Variants in MUC5B observed in about 807,000 individuals in gnomAD.
The protein encoded by MUC5B is mucin-5B.
In MUC5B, 116 loss-of-function variants were observed where a neutral mutation model predicts 376.9. The ratio of observed to expected loss-of-function variants is 0.31; its 90% confidence interval spans 0.26 to 0.36. The LOEUF (loss-of-function observed/expected upper bound fraction) is 0.36, where lower values mean the gene tolerates loss of function less well. Ranked by LOEUF, MUC5B falls within the 10% of genes least tolerant of loss-of-function variation. The pLI is 1.00. For missense variants in MUC5B, 7,165 were observed against 7,769.9 expected, an observed-to-expected ratio of 0.92 and a Z score of 2.93; for synonymous variants, 3,517 against 3,390.9, an observed-to-expected ratio of 1.04 and a Z score of -1.29.
rs775741477 is a variant in MUC5B at position 1,237,052 on chromosome 11, C to T, written c.3185C>T (p.Pro1062Leu). 27 of 1,581,672 alleles carry T rather than the reference C, an allele frequency of 1.7e-5. No individual in the cohort carries two copies. Among genetic ancestry groups the T allele is most frequent in the South Asian group, 3.5e-5 (3 of 86,486 alleles). ...AGCTGGAAGCTCTCCCCCTCCTGCC[C>T]GGACGCCCTGGCACCCAAGGACCCC... Reference protein sequence around the residue: ...GNSWKLSPSCPDALAPKDPCT... With the variant: ...GNSWKLSPSCLDALAPKDPCT... The change falls in exon 25 of 49, where the codon CCG (proline) becomes CTG (leucine). Residue 1062 changes from proline to leucine, a missense_variant. By Grantham distance (98) the Pro-to-Leu change is moderately conservative. Around this residue, in one of 31 missense-constraint regions of MUC5B, gnomAD observed 143 missense variants for 193.2 expected, o/e 0.74. Coordinates refer to ENST00000529681, the MANE Select transcript of MUC5B (RefSeq NM_002458.3).
At position 1,251,243 on chromosome 11, in the gene MUC5B, A is replaced by G; in HGVS notation, c.14363A>G (p.His4788Arg). The G allele has an allele frequency of 1.9e-6, 3 of 1,608,888 alleles. No homozygotes were observed. The African/African-American group carries it at 4.1e-5, about 22-fold the overall frequency. ...IHTSSTPETT[H>R]TSTVLTTTAT... ...ACCTCCTCTACTCCAGAGACCACCC[A>G]CACCTCCACAGTGCTGACCACCACA... The change falls in exon 31 of 49, where the codon CAC becomes CGC. Residue 4788 changes from histidine (H) to arginine (R), a missense_variant. This residue lies in a region of MUC5B where 730 missense variants were observed against 592.7 expected (regional missense o/e 1.23). Coordinates refer to ENST00000529681, the MANE Select transcript of MUC5B (RefSeq NM_002458.3).
At position 1,234,468 on chromosome 11, in the gene MUC5B, G is replaced by A; in HGVS notation, c.2479-61G>A. 11 of 1,543,808 alleles carry A rather than the reference G, an allele frequency of 7.1e-6. No individual in the cohort carries two copies. Among genetic ancestry groups the A allele is most frequent in the Non-Finnish European group, 8.7e-6 (10 of 1,143,032 alleles). ...CTGCTGGGTGCGCCTGTCCCAGAGG[G>A]TGAGTGACATCTGCCCACCCTGGTG... is the stretch of plus-strand genomic sequence containing the variant. On this transcript the variant is annotated intron_variant, in intron 20 of 48. Coordinates refer to ENST00000529681, the MANE Select transcript of MUC5B (RefSeq NM_002458.3). This position sits in a 1 kb window ranked among gnomAD's most constrained non-coding sequence, Gnocchi z 6.3.
Position 1,225,833 on chromosome 11 carries a change from C to A in MUC5B, c.127+96C>A, listed in dbSNP as rs575478945. The A allele has an allele frequency of 1.3e-4, 163 of 1,217,940 alleles. 1 individual carries two copies. The South Asian group carries it at 2.0e-3, about 15-fold the overall frequency. The allele number at this position is 1,217,940 out of a possible 1,614,324, so 75.4% of individuals were successfully genotyped here. ...GCAGACGCCTCTCCAAGCAGCCATG[C>A]GTCTGACAGAGACCCTCCCTGGGTC... On this transcript the variant is annotated intron_variant, in intron 2 of 48. Transcript: ENST00000529681.
At chr11:1,231,398 G>A in intron 13 of MUC5B, 25 bp from the exon 14 acceptor site, 4 of 1,594,592 alleles carry the variant, frequency 2.5e-6, no homozygotes, top group South Asian at 1.1e-5. Context: ...ACCCCTGACC[G>A]GCCTCTCCCC....
chr11:1,261,443 G>T lies in MUC5B; in HGVS notation c.17124G>T (p.Arg5708Ser). ...MQHQCTCCQERRVHEETVPLH... is the reference protein window; with the variant it reads ...MQHQCTCCQESRVHEETVPLH... Reference sequence around the variant, plus strand: ...ACCAGTGCACCTGCTGCCAGGAGAGGCGGGTCCACGAGGAGACGGTGCCCT... The same window carrying T: ...ACCAGTGCACCTGCTGCCAGGAGAGTCGGGTCCACGAGGAGACGGTGCCCT... Residue 5708 changes from arginine (R) to serine (S), a missense_variant, in exon 49 of 49, where the codon AGG (arginine) becomes AGT (serine). Around this residue, in one of 31 missense-constraint regions of MUC5B, gnomAD observed 842 missense variants for 1,016.9 expected, o/e 0.83. Transcript: ENST00000529681. 1.3e-6 allele frequency: 2 copies of T among 1,547,038 alleles called. No individual in the cohort carries two copies. The highest frequency in any genetic ancestry group is 8.7e-7 in the Non-Finnish European group (1 of 1,147,204).
intron 2 of MUC5B, 35 bp downstream of exon 2, chr11:1,225,772 A>G (rs1337133456): frequency 6.3e-7 from 1 of 1,582,804 alleles, no homozygotes; most frequent in Admixed American, 1.8e-5. Context: ...GGGGTTCCTG[A>G]CCAGGCTGGA....
In MUC5B at chr11:1,247,185, C is replaced by T. The variant is rs370339559; in HGVS notation, c.10305C>T (p.Pro3435=). 3.8e-6 allele frequency: 6 copies of T among 1,562,600 alleles called. No individual in the cohort carries two copies. The highest frequency in any genetic ancestry group is 1.8e-5 in the Admixed American group (1 of 56,392). ...CAGCCACCAGCAGCACAGTGACTCCCTCCTCTGCCCTAGGGACCACCCACA... is the reference window on the plus strand; with the variant it reads ...CAGCCACCAGCAGCACAGTGACTCCTTCCTCTGCCCTAGGGACCACCCACA... ...TPAATSSTVT[P]SSALGTTHTP... is the part of the protein sequence containing the mutation. The change falls in exon 31 of 49, where the codon CCC becomes CCT. Residue 3435 remains proline (P), a synonymous_variant. Transcript: ENST00000529681.
Position 1,259,018 on chromosome 11 carries a change from T to C in MUC5B, c.16670T>C (p.Val5557Ala). 6.4e-7 allele frequency: 1 copy of C among 1,559,378 alleles called. No homozygotes were observed. Among genetic ancestry groups the C allele is most frequent in the Non-Finnish European group, 8.7e-7 (1 of 1,152,642 alleles). Residue 5557 changes from valine (V) to alanine (A), a missense_variant, in exon 44 of 49, where the codon GTG (valine) becomes GCG (alanine). By Grantham distance (64) the Val-to-Ala change is moderately conservative. Transcript: ENST00000529681. ...TCTGGGGACACCCAGGACCCAACGG[T>C]GCAATGTCAGGAGGATGCCTGCAAC... ...CLSGDTQDPT[V>A]QCQEDACNNT...
Position 1,252,329 on chromosome 11 carries a change from G to A in MUC5B, c.14864-14G>A, listed in dbSNP as rs1449755309. ...TGGGAGTGGCTTATCTTTCTATGGTGTTGTTCTTCACAGGGGAAGTCATCT... is the reference window on the plus strand; with the variant it reads ...TGGGAGTGGCTTATCTTTCTATGGTATTGTTCTTCACAGGGGAAGTCATCT... On this transcript the variant is annotated splice_polypyrimidine_tract_variant and intron_variant, in intron 31 of 48. Transcript: ENST00000529681. 6.5e-7 allele frequency: 1 copy of A among 1,534,876 alleles called. No homozygotes were observed. The highest frequency in any genetic ancestry group is 2.0e-5 in the Admixed American group (1 of 49,086).
chr11:1,229,953 G>T, intron 10 of MUC5B, 52 bp from the exon 11 acceptor site: 1 of 1,559,966 alleles, frequency 6.4e-7, no homozygotes, highest in East Asian at 2.3e-5. Context: ...TGTGGAGGGT[G>T]GGGCCCACCT....
chr11:1,228,167 C>T (rs568125900), intron 7 of MUC5B, among the ~76,000 whole-genome samples: 2 of 152,172 alleles, frequency 1.3e-5, no homozygotes, highest in African/African-American at 2.4e-5. Flanking sequence ...ACAGCATGAG[C>T]CCCCCTGTGA....
At chr11:1,223,318 C>G in intron 1 of MUC5B, 125 bp downstream of exon 1, 1 of 693,062 alleles carries the variant, frequency 1.4e-6, no homozygotes, top group Non-Finnish European at 2.6e-6. Context: ...CCCTGAGTGT[C>G]CTGGATGGGA....
Position 1,244,774 on chromosome 11 carries a change from G to A in MUC5B, c.7894G>A (p.Val2632Met), listed in dbSNP as rs1862404495. 1 of 1,612,400 alleles carries A rather than the reference G, an allele frequency of 6.2e-7. No homozygotes were observed. Among genetic ancestry groups the A allele is most frequent in the East Asian group, 2.2e-5 (1 of 44,872 alleles). The change falls in exon 31 of 49, where the codon GTG becomes ATG. Residue 2632 changes from valine (V) to methionine (M), a missense_variant. Val to Met is a conservative substitution (Grantham distance 21). Around this residue, in one of 31 missense-constraint regions of MUC5B, gnomAD observed 141 missense variants for 111.2 expected, o/e 1.27. Coordinates refer to ENST00000529681, the MANE Select transcript of MUC5B (RefSeq NM_002458.3). ...SSPGTARTLP[V>M]WISTTTTPTT... is the part of the protein sequence containing the mutation. ...CCCAGGGACGGCACGCACGCTTCCA[G>A]TGTGGATCAGCACAACCACCACACC...
intron 11 of MUC5B, 129 bp from the exon 12 acceptor site, chr11:1,230,361 T>G: frequency 2.8e-6 from 3 of 1,090,266 alleles, no homozygotes; most frequent in Non-Finnish European, 3.9e-6. Flanking sequence ...TGCTGGGAGG[T>G]GACCAGAGGT....
rs766088943 is a variant in MUC5B at position 1,232,700 on chromosome 11, G to T, written c.1995G>T (p.Ala665=). ...GGAGCGAGGACTGCCTGTGCGCCGC[G>T]CTGTCCTCCTATGTGCACGCCTGTG... ...CERSEDCLCA[A]LSSYVHACAA... The change falls in exon 17 of 49, where the codon GCG becomes GCT. Residue 665 remains alanine, a synonymous_variant. Transcript: ENST00000529681. 3 of 1,599,804 alleles carry T rather than the reference G, an allele frequency of 1.9e-6. No individual in the cohort carries two copies. Among genetic ancestry groups the T allele is most frequent in the Non-Finnish European group, 2.6e-6 (3 of 1,174,204 alleles).
rs1862177043 is a variant in MUC5B, at chr11:1,237,105, T to C, written c.3238T>C (p.Trp1080Arg). ...PCTANPFRKS[W>R]AQKQCSILHG... ...CACGGCCAACCCCTTCCGCAAGTCC[T>C]GGGCCCAGAAGCAGTGCAGCATCCT... Residue 1080 changes from tryptophan to arginine, a missense_variant, in exon 25 of 49, where the codon TGG (tryptophan) becomes CGG (arginine). By Grantham distance (101) the Trp-to-Arg change is moderately radical (BLOSUM62 -3). Coordinates refer to ENST00000529681, the MANE Select transcript of MUC5B (RefSeq NM_002458.3). The C allele has an allele frequency of 3.9e-6, 6 of 1,549,344 alleles. No homozygotes were observed. Among genetic ancestry groups the C allele is most frequent in the Admixed American group, 1.9e-5 (1 of 52,294 alleles).
chr11:1,234,965 G>A lies in MUC5B; in HGVS notation c.2631-120G>A. ...ACACCACTTCTTCCACGGAGGAGGGGTCAGGCTGGGCCTGGGGAGGCTGAG... is the reference window on the plus strand; with the variant it reads ...ACACCACTTCTTCCACGGAGGAGGGATCAGGCTGGGCCTGGGGAGGCTGAG... On this transcript the variant is annotated intron_variant, in intron 21 of 48. Coordinates refer to ENST00000529681, the MANE Select transcript of MUC5B (RefSeq NM_002458.3). This position sits in a 1 kb window ranked among gnomAD's most constrained non-coding sequence, Gnocchi z 6.3. 1 of 1,360,990 alleles carries A rather than the reference G, an allele frequency of 7.3e-7. No homozygotes were observed. The highest frequency in any genetic ancestry group is 9.7e-7 in the Non-Finnish European group (1 of 1,026,988). 84.3% of individuals were successfully genotyped at this position (1,360,990 alleles called of 1,614,324 possible). A position where few individuals can be genotyped will look rare whatever the true frequency, so the allele number is the denominator to read the frequency against.
At chr11:1,259,611 TG>T (rs764460433) in intron 44 of MUC5B, 144 bp from the exon 45 acceptor site, 2 of 726,956 alleles carry the variant, frequency 2.8e-6, no homozygotes, top group African/African-American at 1.8e-5. Context: ...GATAACTGAG[TG>T]GGGGCAACTT....
chr11:1,260,800 G>A lies in MUC5B; in HGVS notation c.17069+72G>A, dbSNP rs1862977250. On this transcript the variant is annotated intron_variant, in intron 48 of 48. Coordinates refer to ENST00000529681, the MANE Select transcript of MUC5B (RefSeq NM_002458.3). ...GTCCGCCCTGGCCCGTCAGCTGGCT[G>A]GCAGCCTGCTCTGGGTCAGGAGGGC... The A allele has an allele frequency of 3.4e-6, 4 of 1,177,740 alleles. No homozygotes were observed. The South Asian group carries it at 5.3e-5, about 16-fold the overall frequency. 73.0% of individuals were successfully genotyped at this position (1,177,740 alleles called of 1,614,324 possible). A position where few individuals can be genotyped will look rare whatever the true frequency, so the allele number is the denominator to read the frequency against.
Sources: allele counts gnomAD v4.1 joint callset (sites outside exome capture counted in the v4.1 genomes callset), GRCh38; gene constraint gnomAD v4.1.1; regional missense constraint gnomAD v4.1.1; non-coding constraint Gnocchi (gnomAD v3.1); transcripts MANE v1.5; gene names NCBI Gene and HGNC (gene_info 2026-07-23, HGNC 2026-07-21).